Variants in PCDHA1 observed in about 807,000 individuals in gnomAD.
The protein encoded by PCDHA1 is protocadherin alpha 1.
In PCDHA1, 42 loss-of-function variants were observed where a neutral mutation model predicts 61.3. That is an observed-to-expected ratio of 0.69 (90% CI 0.54 to 0.89). The LOEUF (loss-of-function observed/expected upper bound fraction) is 0.89, where lower values mean the gene tolerates loss of function less well. PCDHA1 is among the 40% of genes least tolerant of loss of function. The pLI is 0.00. For missense variants in PCDHA1, 1,256 were observed against 1,235.3 expected (o/e 1.02, Z -0.25); for synonymous variants, 610 against 553.8 (o/e 1.10, Z -1.43).
intron 1 of PCDHA1, chr5:140,803,598 A>G: frequency 6.2e-7 from 1 of 1,614,076 alleles, no homozygotes; most frequent in South Asian, 1.1e-5. Context: ...CAAAGTGAGT[A>G]ATTTTTATTT....
intron 1 of PCDHA1, chr5:140,830,024 C>T (rs2150179853): frequency 6.2e-7 from 1 of 1,613,946 alleles, no homozygotes; most frequent in Admixed American, 1.7e-5. Context: ...CTCTCCGCGC[C>T]ACCGGCTGCT....
At chr5:140,931,471 G>GA (rs1215090719) in intron 1 of PCDHA1, among the ~76,000 whole-genome samples, 9 of 151,796 alleles carry the variant, frequency 5.9e-5, no homozygotes, top group Non-Finnish European at 1.0e-4. Context: ...AATGACAGAG[G>GA]AAAAAACAAC....
rs2150458258 is a variant in PCDHA1 at position 140,849,933 on chromosome 5, C to T, written c.2394+61249C>T. On this transcript the variant is annotated intron_variant, in intron 1 of 3. Transcript: ENST00000504120. Reference sequence around the variant, plus strand: ...CTGCCACATCTTCACGGTGTCTGCGCGGGACGCTGACGCGCAGGAGAACGC... The same window carrying T: ...CTGCCACATCTTCACGGTGTCTGCGTGGGACGCTGACGCGCAGGAGAACGC... The T allele has an allele frequency of 9.3e-5, 149 of 1,598,118 alleles. 10 individuals are homozygous for T. The highest frequency in any genetic ancestry group is 7.4e-4 in the South Asian group (67 of 90,542).
At chr5:140,799,246 A>G (rs1554120860) in intron 1 of PCDHA1, among the ~76,000 whole-genome samples, 1 of 152,098 alleles carries the variant, frequency 6.6e-6, no homozygotes, top group Non-Finnish European at 1.5e-5. Context: ...TCTCTTAATA[A>G]TCAGTATGGA....
intron 3 of PCDHA1, among the ~76,000 whole-genome samples, chr5:141,000,587 C>A (rs181671847): frequency 0.01 from 1,575 of 150,790 alleles, 20 homozygotes; most frequent in Non-Finnish European, 0.016. Context: ...GCCACCATGC[C>A]CAGCTAATTT....
At chr5:140,983,734 G>A (rs1194473513) in intron 3 of PCDHA1, among the ~76,000 whole-genome samples, 15 of 152,170 alleles carry the variant, frequency 9.9e-5, no homozygotes, top group African/African-American at 3.4e-4. Context: ...TAACATGGCT[G>A]GCTTGCAATA....
chr5:140,842,695 C>T, intron 1 of PCDHA1: 1 of 1,595,194 alleles, frequency 6.3e-7, no homozygotes, highest in Non-Finnish European at 8.6e-7. Context: ...TCGCGCAGCC[C>T]GAGTACACGG....
At chr5:140,882,806 T>G in intron 1 of PCDHA1, 2 of 1,614,218 alleles carry the variant, frequency 1.2e-6, no homozygotes, top group Non-Finnish European at 1.7e-6. Flanking sequence ...TTATTTCACT[T>G]TGGACGCACA....
intron 1 of PCDHA1, among the ~76,000 whole-genome samples, chr5:140,872,191 T>A (rs1168972133): frequency 1.3e-5 from 2 of 152,162 alleles, no homozygotes; most frequent in Non-Finnish European, 1.5e-5. Flanking sequence ...GTGTTAAACG[T>A]TCATCATAAA....
At chr5:140,878,516 G>A (rs2057626740) in intron 1 of PCDHA1, among the ~76,000 whole-genome samples, 1 of 152,122 alleles carries the variant, frequency 6.6e-6, no homozygotes. Context: ...CAGTACAGTT[G>A]GTAACCAACT....
chr5:140,949,961 G>A lies in PCDHA1; in HGVS notation c.2395-28988G>A, dbSNP rs373865946. ...TTGCATTTTTTAGTGGTTGCTGTAA[G>A]GATTACAGCATACATACTTAACTTT... On this transcript the variant is annotated intron_variant, in intron 1 of 3. Transcript: ENST00000504120. Among the ~76,000 whole-genome samples, 68 of 151,658 alleles carry A rather than the reference G, an allele frequency of 4.5e-4. 1 individual carries two copies. The East Asian group carries it at 0.012, about 28-fold the overall frequency.
At chr5:140,823,279 C>G (rs140654699) in intron 1 of PCDHA1, 1 of 1,612,436 alleles carries the variant, frequency 6.2e-7, no homozygotes, top group Non-Finnish European at 8.5e-7. Flanking sequence ...GGGCGAGCGC[C>G]CGCTGTCGAG....
At chr5:140,862,316 C>G (rs2047308112) in intron 1 of PCDHA1, 1 of 317,936 alleles carries the variant, frequency 3.1e-6, no homozygotes, top group Non-Finnish European at 6.2e-6. Context: ...CGTCATAGCC[C>G]TAATCAGTGT....
At chr5:140,834,968 A>AT (rs1347218738) in intron 1 of PCDHA1, 9 of 1,508,864 alleles carry the variant, frequency 6.0e-6, no homozygotes, top group Non-Finnish European at 8.1e-6. Flanking sequence ...TTGGACTTGT[A>AT]TTACGGAAAC....
At position 140,876,284 on chromosome 5, in the gene PCDHA1, A is replaced by C. The variant is rs781831935; in HGVS notation, c.2394+87600A>C. 1.7e-5 allele frequency: 27 copies of C among 1,613,954 alleles called. No homozygotes were observed. The highest frequency in any genetic ancestry group is 2.3e-5 in the Non-Finnish European group (27 of 1,179,908). ...CAACTAAATGCTTCCGATCCAGACG[A>C]AGGACTTAATGGAGAAATTTCCTAT... On this transcript the variant is annotated intron_variant, in intron 1 of 3. Transcript: ENST00000504120.
At chr5:140,922,910 A>C (rs1418606862) in intron 1 of PCDHA1, among the ~76,000 whole-genome samples, 4 of 152,228 alleles carry the variant, frequency 2.6e-5, no homozygotes, top group Admixed American at 2.6e-4. Flanking sequence ...TTGAGATACA[A>C]ATAAACTTCA....
intron 1 of PCDHA1, chr5:140,829,821 T>C (rs2150175434): frequency 1.2e-6 from 2 of 1,613,858 alleles, no homozygotes; most frequent in South Asian, 2.2e-5. Flanking sequence ...GGTGGTGCAG[T>C]GAGCGAGCTG....
At chr5:140,808,273 C>T (rs782725111) in intron 1 of PCDHA1, 1 of 1,614,232 alleles carries the variant, frequency 6.2e-7, no homozygotes, top group Non-Finnish European at 8.5e-7. Context: ...TTAGAGAGGA[C>T]GCTCCACTGG....
chr5:140,824,150 C>A (rs147799360), intron 1 of PCDHA1: 1 of 1,611,190 alleles, frequency 6.2e-7, no homozygotes, highest in African/African-American at 1.3e-5. Flanking sequence ...ATATTAACAT[C>A]CATCTTTCCC....
Sources: gnomAD v4.1 joint callset for allele counts (sites outside exome capture counted in the v4.1 genomes callset) on GRCh38, gnomAD v4.1.1 for gene constraint, MANE v1.5 for transcripts, NCBI Gene and HGNC (gene_info 2026-07-23, HGNC 2026-07-21) for gene names.